PARM1: variants seen among roughly 807,000 people sequenced by gnomAD.
PARM1 encodes the protein prostate androgen-regulated mucin-like protein 1.
A neutral mutation model predicts 24.6 loss-of-function variants in PARM1; 14 were observed. The observed-to-expected ratio is 0.57, with a 90% CI of 0.38 to 0.89. The LOEUF is 0.89. Among genes scored for constraint, PARM1 ranks in the 40% least tolerant of loss-of-function variants. The probability of loss-of-function intolerance (pLI) is 0.00; values close to 1 mark genes in which losing one functional copy is unlikely to be tolerated. For synonymous variants in PARM1, 179 were observed against 156.6 expected (o/e 1.14, Z -1.07); for missense variants, 362 against 380.4 (o/e 0.95, Z 0.40).
chr4:74,951,612 C>G (rs1047546774), intron 1 of PARM1, among the ~76,000 whole-genome samples: 3 of 152,038 alleles, frequency 2.0e-5, no homozygotes, highest in Non-Finnish European at 4.4e-5. Flanking sequence ...GCGACAGGCC[C>G]CAAATGATGT....
At chr4:74,999,773 T>C (rs751630377) in intron 1 of PARM1, among the ~76,000 whole-genome samples, 2 of 152,026 alleles carry the variant, frequency 1.3e-5, no homozygotes, top group Non-Finnish European at 2.9e-5. Flanking sequence ...GCAGGCCAGG[T>C]TTTCTAAAAA....
At chr4:74,954,647 A>C (rs1397779126) in intron 1 of PARM1, among the ~76,000 whole-genome samples, 1 of 152,178 alleles carries the variant, frequency 6.6e-6, no homozygotes, top group Non-Finnish European at 1.5e-5. Context: ...CATCATGTTC[A>C]GAAAACACCA....
At chr4:74,933,620 G>T (rs1489637065) in intron 1 of PARM1, among the ~76,000 whole-genome samples, 3 of 152,226 alleles carry the variant, frequency 2.0e-5, no homozygotes, top group Non-Finnish European at 1.5e-5. Context: ...TTGTAGAACA[G>T]GTGGCTGTCT....
At chr4:74,982,159 C>G (rs903787562) in intron 1 of PARM1, among the ~76,000 whole-genome samples, 3 of 152,154 alleles carry the variant, frequency 2.0e-5, no homozygotes, top group African/African-American at 7.2e-5. Context: ...ATAGATGGAG[C>G]TGGAAGCCAT....
intron 3 of PARM1, among the ~76,000 whole-genome samples, chr4:75,042,602 T>C (rs1053602210): frequency 1.3e-5 from 2 of 151,714 alleles, no homozygotes; most frequent in Non-Finnish European, 2.9e-5. Flanking sequence ...TTTAACCTCA[T>C]ACACTATGCA....
intron 1 of PARM1, among the ~76,000 whole-genome samples, chr4:74,992,238 G>A (rs989869699): frequency 3.9e-5 from 6 of 152,062 alleles, no homozygotes; most frequent in Non-Finnish European, 5.9e-5. Flanking sequence ...CAGCAGCATC[G>A]TCACAATGTC....
At chr4:75,022,604 G>A (rs550751276) in intron 2 of PARM1, among the ~76,000 whole-genome samples, 2 of 152,124 alleles carry the variant, frequency 1.3e-5, no homozygotes, top group Non-Finnish European at 2.9e-5. Flanking sequence ...TGTTTCAAAT[G>A]CTTTCACCAG....
At chr4:74,981,036 C>A (rs1722244277) in intron 1 of PARM1, among the ~76,000 whole-genome samples, 1 of 152,144 alleles carries the variant, frequency 6.6e-6, no homozygotes, top group South Asian at 2.1e-4. Flanking sequence ...CAATACCATT[C>A]AGAACATAGG....
intron 1 of PARM1, among the ~76,000 whole-genome samples, chr4:74,935,986 C>T (rs1198689758): frequency 6.6e-6 from 1 of 152,096 alleles, no homozygotes; most frequent in African/African-American, 2.4e-5. Context: ...TTCACACCAC[C>T]ATAGGCAGCT....
In PARM1 at chr4:74,979,072, C is replaced by A. The variant is rs1656213902; in HGVS notation, c.44-33353C>A. On this transcript the variant is annotated intron_variant, in intron 1 of 3. Coordinates refer to ENST00000307428, the MANE Select transcript of PARM1 (RefSeq NM_015393.4). Reference sequence around the variant, plus strand: ...GAACTAGAGAACCAAGAGCAAACAACCCCAAAACTAACAGAAATAAGAAAC... The same window carrying A: ...GAACTAGAGAACCAAGAGCAAACAAACCCAAAACTAACAGAAATAAGAAAC... 2.0e-5 allele frequency among the ~76,000 whole-genome samples: 3 copies of A among 151,566 alleles called. No individual in the cohort carries two copies. The South Asian group carries it at 6.2e-4, about 31-fold the overall frequency.
intron 1 of PARM1, among the ~76,000 whole-genome samples, chr4:74,968,378 A>G (rs1276567669): frequency 6.6e-6 from 1 of 152,252 alleles, no homozygotes; most frequent in African/African-American, 2.4e-5. Flanking sequence ...GTCAGGAAAT[A>G]TAAAAGTTGA....
At chr4:74,960,239 T>G (rs535705813) in intron 1 of PARM1, among the ~76,000 whole-genome samples, 1 of 152,312 alleles carries the variant, frequency 6.6e-6, no homozygotes, top group East Asian at 1.9e-4. Flanking sequence ...CCCTTCTCCC[T>G]TTGGGTAAAG....
At chr4:74,980,906 A>T (rs949686537) in intron 1 of PARM1, among the ~76,000 whole-genome samples, 5 of 152,230 alleles carry the variant, frequency 3.3e-5, no homozygotes, top group East Asian at 3.8e-4. Flanking sequence ...TGCTGGGAAA[A>T]CTAGCTAGCC....
In PARM1 at chr4:75,042,205, T is replaced by G. The variant is rs540060542; in HGVS notation, c.849-3958T>G. ...TCATCAAATATTTATAAAATAACCA[T>G]TATATCAACAGCAACATGTTAGGTG... On this transcript the variant is annotated intron_variant, in intron 3 of 3. Transcript: ENST00000307428. Among the ~76,000 whole-genome samples, 9 of 152,286 alleles carry G rather than the reference T, an allele frequency of 5.9e-5. No individual in the cohort carries two copies. In the South Asian group the frequency reaches 1.9e-3, roughly 32 times the overall value.
chr4:74,933,354 T>C lies in PARM1; in HGVS notation c.27T>C (p.Leu9=), dbSNP rs756823675. 2.5e-6 allele frequency: 4 copies of C among 1,612,912 alleles called. No homozygotes were observed. In the South Asian group the frequency reaches 4.4e-5, roughly 18 times the overall value. The change falls in exon 1 of 4, where the codon CTT becomes CTC. Residue 9 remains leucine (L), a synonymous_variant. Transcript: ENST00000307428. ...TGGTCTACAAGACTCTCTTCGCTCT[T>C]TGCATCTTAACTGCAGGTAATTGGC... MVYKTLFA[L]CILTAGWRVQ... is the part of the protein sequence containing the mutation.
At chr4:74,973,455 A>G (rs922989754) in intron 1 of PARM1, among the ~76,000 whole-genome samples, 1 of 26,044 alleles carries the variant, frequency 3.8e-5, no homozygotes, top group African/African-American at 1.5e-4. Flanking sequence ...TCTCCCTCCC[A>G]ACCCCCCGCC....
rs139293883 is a variant in PARM1, at chr4:74,989,204, T to G, written c.44-23221T>G. On this transcript the variant is annotated intron_variant, in intron 1 of 3. Transcript: ENST00000307428. ...CTAATTCAATTTAATTCTTATACTA[T>G]CTACCTGAAGATAGTGTCAGATCCC... Among the ~76,000 whole-genome samples, 475 of 152,258 alleles carry G rather than the reference T, an allele frequency of 3.1e-3. 3 individuals carry two copies. The highest frequency in any genetic ancestry group is 9.6e-3 in the African/African-American group (399 of 41,562).
At chr4:74,945,714 T>C (rs931940694) in intron 1 of PARM1, among the ~76,000 whole-genome samples, 9 of 152,238 alleles carry the variant, frequency 5.9e-5, no homozygotes, top group Non-Finnish European at 1.3e-4. Context: ...CTTAAAACAT[T>C]ATTCTAAGCT....
intron 2 of PARM1, among the ~76,000 whole-genome samples, chr4:75,015,696 T>C (rs1722972217): frequency 6.6e-6 from 1 of 152,190 alleles, no homozygotes; most frequent in African/African-American, 2.4e-5. Flanking sequence ...TGATAGAACC[T>C]GTTCACTTCA....
Sources: allele counts gnomAD v4.1 joint callset (sites outside exome capture counted in the v4.1 genomes callset), GRCh38; gene constraint gnomAD v4.1.1; transcripts MANE v1.5; gene names NCBI Gene and HGNC (gene_info 2026-07-23, HGNC 2026-07-21).